Variants in TMEM178B observed in about 807,000 individuals in gnomAD.
TMEM178B encodes transmembrane protein 178B.
A neutral mutation model predicts 31.0 loss-of-function variants in TMEM178B; 5 were observed. The ratio of observed to expected loss-of-function variants is 0.16; its 90% CI spans 0.08 to 0.34. The LOEUF (loss-of-function observed/expected upper bound fraction) is 0.34. Among genes scored for constraint, TMEM178B ranks in the 10% least tolerant of loss-of-function variants. TMEM178B has a pLI of 1.00. For synonymous variants in TMEM178B, 164 were observed against 164.0 expected (o/e 1.00, Z 0.00); for missense variants, 275 against 400.3 (o/e 0.69, Z 2.67).
chr7:141,438,574 G>C (rs1801593739), intron 3 of TMEM178B, among the ~76,000 whole-genome samples: 1 of 151,400 alleles, frequency 6.6e-6, no homozygotes, highest in South Asian at 2.1e-4. Flanking sequence ...CCTGGACAGA[G>C]GGAATTAGAA....
intron 3 of TMEM178B, among the ~76,000 whole-genome samples, chr7:141,456,342 G>A (rs373233203): frequency 6.6e-6 from 1 of 152,226 alleles, no homozygotes; most frequent in East Asian, 1.9e-4. Flanking sequence ...GAAGTGATTT[G>A]CCCACTTATG....
chr7:141,086,946 C>G (rs996230938), intron 1 of TMEM178B, among the ~76,000 whole-genome samples: 1 of 151,996 alleles, frequency 6.6e-6, no homozygotes, highest in African/African-American at 2.4e-5. Context: ...CCTTGGCCTC[C>G]CAAGATGCTA....
chr7:141,496,209 T>C, the TMEM178B span, among the ~76,000 whole-genome samples: 60 of 152,294 alleles, frequency 3.9e-4, no homozygotes, highest in African/African-American at 1.4e-3. Flanking sequence ...TTTCCCCTTA[T>C]AGTTGGGACA....
At chr7:141,154,913 A>C (rs1043194135) in intron 1 of TMEM178B, among the ~76,000 whole-genome samples, 3 of 151,978 alleles carry the variant, frequency 2.0e-5, no homozygotes, top group African/African-American at 7.3e-5. Context: ...TTTAGTAGAG[A>C]TGGTGGGGAT....
At chr7:141,221,106 T>C (rs7812178) in intron 2 of TMEM178B, among the ~76,000 whole-genome samples, 3,509 of 152,198 alleles carry the variant, frequency 0.023, 89 homozygotes, top group African/African-American at 0.066. Flanking sequence ...AAAAAAACAA[T>C]ATATAAGACA....
At chr7:141,192,533 G>A (rs1205449296) in intron 1 of TMEM178B, among the ~76,000 whole-genome samples, 1 of 151,136 alleles carries the variant, frequency 6.6e-6, no homozygotes, top group African/African-American at 2.4e-5. Flanking sequence ...CTGTCGCCCA[G>A]GCTGGAGTGC....
intron 1 of TMEM178B, among the ~76,000 whole-genome samples, chr7:141,077,495 T>C (rs1351956112): frequency 6.6e-6 from 1 of 152,236 alleles, no homozygotes; most frequent in Non-Finnish European, 1.5e-5. Flanking sequence ...AATCTATGTC[T>C]GATTTGAAGG....
In TMEM178B at chr7:141,449,701, G is replaced by A. The variant is rs570441364; in HGVS notation, c.634+11956G>A. On this transcript the variant is annotated intron_variant, in intron 3 of 3. Coordinates refer to ENST00000565468, the MANE Select transcript of TMEM178B (RefSeq NM_001195278.2). ...GAGACTCGGAGAACTGGCCCAGATC[G>A]AGAGCTGGGGAGCAAGGACTCGGCA... 8.9e-4 allele frequency among the ~76,000 whole-genome samples: 135 copies of A among 152,296 alleles called. 1 individual carries two copies. The highest frequency in any genetic ancestry group is 6.4e-3 in the Admixed American group (98 of 15,300).
At chr7:141,503,463 C>G in the TMEM178B span, among the ~76,000 whole-genome samples, 8 of 152,262 alleles carry the variant, frequency 5.3e-5, no homozygotes, top group Middle Eastern at 3.4e-3. Context: ...ACAGTGTTAG[C>G]ATAGTGAAGG....
At chr7:141,076,657 AG>A (rs1425768134) in intron 1 of TMEM178B, among the ~76,000 whole-genome samples, 4 of 152,280 alleles carry the variant, frequency 2.6e-5, no homozygotes, top group Middle Eastern at 3.4e-3. Context: ...AAACAGAGAC[AG>A]GGAAAGGGAT....
chr7:141,098,610 A>T (rs1331945684), intron 1 of TMEM178B, among the ~76,000 whole-genome samples: 1 of 152,234 alleles, frequency 6.6e-6, no homozygotes, highest in Non-Finnish European at 1.5e-5. Flanking sequence ...CCTTATCTAT[A>T]AAATGGAGAT....
At chr7:141,379,143 T>TGGCCTTC (rs1800269654) in intron 2 of TMEM178B, among the ~76,000 whole-genome samples, 1 of 152,112 alleles carries the variant, frequency 6.6e-6, no homozygotes, top group South Asian at 2.1e-4. Flanking sequence ...GGACTGCCAG[T>TGGCCTTC]TAACAGAGTG....
chr7:141,210,621 T>C (rs1797038635), intron 1 of TMEM178B, among the ~76,000 whole-genome samples: 1 of 152,178 alleles, frequency 6.6e-6, no homozygotes, highest in Admixed American at 6.5e-5. Flanking sequence ...CCAGGTGTGC[T>C]GGAAACCCTG....
At chr7:141,223,012 CA>C (rs1367447959) in intron 2 of TMEM178B, among the ~76,000 whole-genome samples, 2 of 152,238 alleles carry the variant, frequency 1.3e-5, no homozygotes, top group East Asian at 3.9e-4. Context: ...AGTAACATTT[CA>C]GAGCTTTGAA....
At position 141,171,087 on chromosome 7, in the gene TMEM178B, A is replaced by G. The variant is rs1796343291; in HGVS notation, c.383-41504A>G. Among the ~76,000 whole-genome samples, 1 of 151,704 alleles carries G rather than the reference A, an allele frequency of 6.6e-6. No homozygotes were observed. The highest frequency in any genetic ancestry group is 1.5e-5 in the Non-Finnish European group (1 of 67,994). ...ACACCCTAAATATAAATTAAAATAA[A>G]TACTTGAAGTGTAACTCTTCACTTT... is the stretch of plus-strand genomic sequence containing the variant. On this transcript the variant is annotated intron_variant, in intron 1 of 3. Transcript: ENST00000565468. The surrounding 1 kb of genome is among the most constrained non-coding windows in gnomAD (Gnocchi z 4.3).
rs548058118 is a variant in TMEM178B, at chr7:141,153,187, CAT to C, written c.383-59403_383-59402del. 9.2e-5 allele frequency among the ~76,000 whole-genome samples: 14 copies of C among 152,294 alleles called. No homozygotes were observed. The South Asian group carries it at 2.9e-3, about 32-fold the overall frequency. ...TGTTAATATTTTTTCCATGTACCCACATGTGTATTTTTTTTAAACAAATGGAT... is the reference window on the plus strand; with the variant it reads ...TGTTAATATTTTTTCCATGTACCCACGTGTATTTTTTTTAAACAAATGGAT... On this transcript the variant is annotated intron_variant, in intron 1 of 3. Coordinates refer to ENST00000565468, the MANE Select transcript of TMEM178B (RefSeq NM_001195278.2).
At chr7:141,324,463 T>C (rs1414416230) in intron 2 of TMEM178B, among the ~76,000 whole-genome samples, 1 of 124,164 alleles carries the variant, frequency 8.1e-6, no homozygotes, top group Non-Finnish European at 1.6e-5. Flanking sequence ...TCCTGAGCGA[T>C]TGAAAAATGC....
At chr7:141,263,583 C>G (rs528871183) in intron 2 of TMEM178B, among the ~76,000 whole-genome samples, 2 of 152,292 alleles carry the variant, frequency 1.3e-5, no homozygotes, top group Non-Finnish European at 2.9e-5. Flanking sequence ...TGAGACTACA[C>G]AAGGACTTGC....
At chr7:141,328,948 T>G (rs527855209) in intron 2 of TMEM178B, among the ~76,000 whole-genome samples, 1 of 152,234 alleles carries the variant, frequency 6.6e-6, no homozygotes, top group Non-Finnish European at 1.5e-5. Context: ...TCAGGTCTTA[T>G]GACTTTCAGA....
Sources: allele counts gnomAD v4.1 joint callset (sites outside exome capture counted in the v4.1 genomes callset), GRCh38; gene constraint gnomAD v4.1.1; non-coding constraint Gnocchi (gnomAD v3.1); transcripts MANE v1.5; gene names NCBI Gene and HGNC (gene_info 2026-07-23, HGNC 2026-07-21).